NCOR2: variants seen among roughly 807,000 people sequenced by gnomAD.
NCOR2 encodes the protein nuclear receptor corepressor 2, also known as CTG repeat protein 26.
Under a neutral mutation model 262.9 loss-of-function variants are expected in NCOR2, and 81 were observed. That is an observed-to-expected ratio of 0.31 (90% CI 0.26 to 0.37). The LOEUF is 0.37. NCOR2 is among the 10% of genes least tolerant of loss of function. The pLI is 1.00. For missense variants in NCOR2, 3,385 were observed against 3,621.4 expected (o/e 0.93, Z 1.68); for synonymous variants, 1,659 against 1,559.3 (o/e 1.06, Z -1.51).
intron 11 of NCOR2, among the ~76,000 whole-genome samples, chr12:124,425,063 TA>T (rs1268158580): frequency 1.3e-5 from 2 of 152,298 alleles, no homozygotes; most frequent in Non-Finnish European, 1.5e-5. Flanking sequence ...TACAAATTCG[TA>T]AACTTTCTTT....
At chr12:124,520,545 G>A (rs1014702180) in intron 1 of NCOR2, among the ~76,000 whole-genome samples, 18 of 152,272 alleles carry the variant, frequency 1.2e-4, no homozygotes, top group African/African-American at 4.3e-4. Flanking sequence ...TTGACACTGG[G>A]CATGTCTCTT....
rs1375823551 is a variant in NCOR2 at position 124,531,213 on chromosome 12, C to T, written c.-118+4352G>A. ...AACAACAGTCCAGCCAGAGCCCACC[C>T]GTTTATGAAAGAAAATGATAATAAT... is the stretch of plus-strand genomic sequence containing the variant. On this transcript the variant is annotated intron_variant, in intron 1 of 46. Transcript: ENST00000404621. This position sits in a 1 kb window ranked among gnomAD's most constrained non-coding sequence, Gnocchi z 4.5. Among the ~76,000 whole-genome samples, 2 of 152,076 alleles carry T rather than the reference C, an allele frequency of 1.3e-5. No individual in the cohort carries two copies. The highest frequency in any genetic ancestry group is 2.9e-5 in the Non-Finnish European group (2 of 68,014).
chr12:124,530,893 C>G (rs192599399), intron 1 of NCOR2, among the ~76,000 whole-genome samples: 115 of 152,356 alleles, frequency 7.5e-4, no homozygotes, highest in African/African-American at 2.5e-3. Flanking sequence ...GTGGACAGAG[C>G]TGGCCAGGAT....
intron 1 of NCOR2, among the ~76,000 whole-genome samples, chr12:124,509,235 T>TGGGGGGGG (rs1555234131): frequency 5.4e-5 from 3 of 55,086 alleles, no homozygotes; most frequent in African/African-American, 2.2e-4. Context: ...CTGGCTTTGG[T>TGGGGGGGG]GGGGGGGGGG....
chr12:124,428,513 C>A (rs1444792628), intron 10 of NCOR2, among the ~76,000 whole-genome samples: 3 of 152,204 alleles, frequency 2.0e-5, no homozygotes, highest in Non-Finnish European at 4.4e-5. Context: ...TGAGAAACTG[C>A]TACTTAAACC....
At chr12:124,493,243 G>A (rs1375241212) in intron 1 of NCOR2, among the ~76,000 whole-genome samples, 1 of 152,204 alleles carries the variant, frequency 6.6e-6, no homozygotes, top group Non-Finnish European at 1.5e-5. Flanking sequence ...AAGGCTAGGA[G>A]CCGGGTGAGG....
At chr12:124,385,628 C>G (rs761241560) in intron 17 of NCOR2, 117 bp downstream of exon 19, 4 of 1,425,266 alleles carry the variant, frequency 2.8e-6, no homozygotes, top group Non-Finnish European at 3.8e-6. Context: ...TCTAACAAGG[C>G]GGCATAATAG....
At chr12:124,558,008 A>T (rs1482213834) in intron 1 of NCOR2, among the ~76,000 whole-genome samples, 1 of 151,868 alleles carries the variant, frequency 6.6e-6, no homozygotes, top group East Asian at 1.9e-4. Context: ...TCCGGCCCCA[A>T]CCCCACCCGG....
chr12:124,536,786 G>C (rs534118246), upstream of NCOR2, among the ~76,000 whole-genome samples: 2 of 152,332 alleles, frequency 1.3e-5, no homozygotes, highest in South Asian at 4.1e-4. Context: ...ATATGACTCA[G>C]TAATTCAACT....
chr12:124,454,775 A>C lies in NCOR2; in HGVS notation c.762+2331T>G, dbSNP rs1023929090. ...CCTCAAGGGGCTAAACAGGGTTAAC[A>C]GAGGATCTAGCAATTCCACGCCTAG... On this transcript the variant is annotated intron_variant, in intron 6 of 46. Transcript: ENST00000405201. The surrounding 1 kb of genome is among the most constrained non-coding windows in gnomAD (Gnocchi z 5.6). Among the ~76,000 whole-genome samples the C allele has an allele frequency of 2.6e-5, 4 of 152,216 alleles. No individual in the cohort carries two copies. Among genetic ancestry groups the C allele is most frequent in the African/African-American group, 9.7e-5 (4 of 41,446 alleles).
Position 124,334,766 on chromosome 12 carries a change from C to T in NCOR2, c.6412-149G>A. The stretch of plus-strand genomic sequence containing the variant: ...GTGGACCTGCCCGCCACCCTCTGGG[C>T]CTCCGTGTCCCAGTGTGCATGGGAG... On this transcript the variant is annotated intron_variant, in intron 40 of 46. Transcript: ENST00000405201. 3 of 573,246 alleles carry T rather than the reference C, an allele frequency of 5.2e-6. No homozygotes were observed. The South Asian group carries it at 7.0e-5, about 13-fold the overall frequency. 35.5% of individuals were successfully genotyped at this position (573,246 alleles called of 1,614,324 possible). A position where few individuals can be genotyped will look rare whatever the true frequency, so the allele number is the denominator to read the frequency against.
At chr12:124,501,039 G>C (rs1312514477) in intron 1 of NCOR2, among the ~76,000 whole-genome samples, 1 of 131,102 alleles carries the variant, frequency 7.6e-6, no homozygotes, top group African/African-American at 2.8e-5. Context: ...GAGCGCCCAC[G>C]GCACGAGCGC....
chr12:124,435,734 G>A (rs546090668), intron 8 of NCOR2, among the ~76,000 whole-genome samples: 2 of 152,218 alleles, frequency 1.3e-5, no homozygotes, highest in East Asian at 1.9e-4. Flanking sequence ...CCATGTGGCC[G>A]CTCACCACAC....
chr12:124,370,187 G>C (rs2039384037), intron 20 of NCOR2, among the ~76,000 whole-genome samples: 1 of 152,208 alleles, frequency 6.6e-6, no homozygotes, highest in African/African-American at 2.4e-5. Flanking sequence ...TCCAAGCTGG[G>C]ACTGTCGGGC....
chr12:124,388,557 CCCAT>C, intron 16 of NCOR2: 1 of 984,620 alleles, frequency 1.0e-6, no homozygotes, highest in African/African-American at 1.7e-5. Flanking sequence ...GGCTGGGACC[CCCAT>C]CCACTCCAGG....
At chr12:124,401,556 C>T (rs543977058) in intron 14 of NCOR2, among the ~76,000 whole-genome samples, 4 of 152,368 alleles carry the variant, frequency 2.6e-5, no homozygotes, top group South Asian at 2.1e-4. Context: ...TATCAAGGGC[C>T]GGGCATCATC....
At chr12:124,450,854 A>G (rs1424541065) in intron 6 of NCOR2, among the ~76,000 whole-genome samples, 4 of 152,166 alleles carry the variant, frequency 2.6e-5, no homozygotes, top group Non-Finnish European at 5.9e-5. Context: ...CTGTGCCTCC[A>G]TTTCTCCTCA....
intron 1 of NCOR2, among the ~76,000 whole-genome samples, chr12:124,533,584 G>A (rs1163125915): frequency 6.6e-6 from 1 of 151,982 alleles, no homozygotes; most frequent in Non-Finnish European, 1.5e-5. Flanking sequence ...CTGTCTCCCC[G>A]CAGGGAGGAC....
At chr12:124,480,118 G>A (rs949318140) in intron 3 of NCOR2, among the ~76,000 whole-genome samples, 4 of 152,160 alleles carry the variant, frequency 2.6e-5, no homozygotes, top group South Asian at 4.1e-4. Context: ...AATCCAATCC[G>A]GCCGCACTGG....
Sources: allele counts gnomAD v4.1 joint callset (sites outside exome capture counted in the v4.1 genomes callset), GRCh38; gene constraint gnomAD v4.1.1; non-coding constraint Gnocchi (gnomAD v3.1); transcripts MANE v1.5; gene names NCBI Gene and HGNC (gene_info 2026-07-23, HGNC 2026-07-21).